Variants in EXOC2 observed in about 807,000 individuals in gnomAD.
EXOC2 encodes exocyst complex component 2.
In EXOC2, 70 loss-of-function variants were observed where a neutral mutation model predicts 131.8. That is an observed-to-expected ratio of 0.53 (90% CI 0.44 to 0.65). The LOEUF (loss-of-function observed/expected upper bound fraction) is 0.65, where lower values mean the gene tolerates loss of function less well. EXOC2 is among the 30% of genes least tolerant of loss of function. EXOC2 has a pLI of 0.00. For synonymous variants in EXOC2, 411 were observed against 398.4 expected (o/e 1.03, Z -0.38); for missense variants, 923 against 1,108.6 (o/e 0.83, Z 2.38).
chr6:552,650 G>C (rs147906666), intron 21 of EXOC2, among the ~76,000 whole-genome samples: 7 of 151,928 alleles, frequency 4.6e-5, no homozygotes. Flanking sequence ...CCAGGTTCTC[G>C]TGAGCCTGTG....
chr6:588,651 C>A (rs1393283603), intron 11 of EXOC2, among the ~76,000 whole-genome samples: 1 of 152,216 alleles, frequency 6.6e-6, no homozygotes, highest in Non-Finnish European at 1.5e-5. Flanking sequence ...CCGCACCGGC[C>A]CTTCACTTTC....
intron 24 of EXOC2, among the ~76,000 whole-genome samples, chr6:498,406 C>G (rs972421369): frequency 6.6e-6 from 1 of 152,190 alleles, no homozygotes; most frequent in Non-Finnish European, 1.5e-5. Flanking sequence ...CCTAAATTTG[C>G]ACTTTGGGCT....
In EXOC2 at chr6:564,666, G is replaced by A. The variant is rs1757875295; in HGVS notation, c.1546C>T (p.Leu516Phe). The A allele has an allele frequency of 5.0e-6, 8 of 1,608,822 alleles. No homozygotes were observed. The highest frequency in any genetic ancestry group is 6.8e-6 in the Non-Finnish European group (8 of 1,177,442). Residue 516 changes from leucine (L) to phenylalanine (F), a missense_variant, in exon 15 of 28, where the codon CTT becomes TTT. Physicochemically the swap from Leu to Phe is conservative, Grantham distance 22. Transcript: ENST00000230449. Reference sequence around the variant, plus strand: ...AGGGGAAGCAGGGCTCCGCGGGTAAGCTTCACCAGGGAGTGCATTACTTCC... The same window carrying A: ...AGGGGAAGCAGGGCTCCGCGGGTAAACTTCACCAGGGAGTGCATTACTTCC... ...IQEVMHSLVKLTRGALLPLSI... is the reference protein window; with the variant it reads ...IQEVMHSLVKFTRGALLPLSI...
At chr6:688,130 AT>A (rs1444390816) in intron 1 of EXOC2, among the ~76,000 whole-genome samples, 1 of 152,200 alleles carries the variant, frequency 6.6e-6, no homozygotes, top group African/African-American at 2.4e-5. Context: ...CATCTCTTTC[AT>A]TTATGATGTA....
At chr6:579,207 T>C (rs1014043767) in intron 11 of EXOC2, among the ~76,000 whole-genome samples, 4 of 152,204 alleles carry the variant, frequency 2.6e-5, no homozygotes, top group Non-Finnish European at 5.9e-5. Flanking sequence ...GTTTTCTCCT[T>C]ATAACTGGTA....
At position 618,404 on chromosome 6, in the gene EXOC2, T is replaced by C. The variant is rs570078640; in HGVS notation, c.537-569A>G. On this transcript the variant is annotated intron_variant, in intron 5 of 27. Coordinates refer to ENST00000230449, the MANE Select transcript of EXOC2 (RefSeq NM_018303.6). ...TCTCAATATCTAAAGCAGAGAAAAC[T>C]AAAGACAGGCCTCTGTATTTCAGAA... 2.0e-5 allele frequency among the ~76,000 whole-genome samples: 3 copies of C among 152,332 alleles called. 1 individual carries two copies. In the East Asian group the frequency reaches 5.8e-4, roughly 29 times the overall value.
At chr6:530,940 T>G (rs1183219100) in intron 23 of EXOC2, among the ~76,000 whole-genome samples, 2 of 152,190 alleles carry the variant, frequency 1.3e-5, no homozygotes, top group African/African-American at 2.4e-5. Flanking sequence ...GTATTAGGTG[T>G]TATAAGTAAT....
At chr6:564,821 C>G in intron 14 of EXOC2, 43 bp downstream of exon 14, 4 of 1,593,340 alleles carry the variant, frequency 2.5e-6, no homozygotes, top group Non-Finnish European at 3.4e-6. Context: ...AAGGAAAAAC[C>G]CTACCCTGTG....
intron 25 of EXOC2, among the ~76,000 whole-genome samples, chr6:496,330 T>C (rs1004286857): frequency 1.3e-5 from 2 of 152,256 alleles, no homozygotes; most frequent in African/African-American, 4.8e-5. Flanking sequence ...GATTCTGTAA[T>C]ATATCTCTAA....
chr6:622,727 A>T (rs1197632079), intron 4 of EXOC2, among the ~76,000 whole-genome samples: 1 of 152,246 alleles, frequency 6.6e-6, no homozygotes, highest in African/African-American at 2.4e-5. Context: ...CAGCACATAC[A>T]GAAAAGGCTC....
At chr6:684,445 C>T (rs1764551940) in intron 1 of EXOC2, among the ~76,000 whole-genome samples, 1 of 152,130 alleles carries the variant, frequency 6.6e-6, no homozygotes, top group African/African-American at 2.4e-5. Context: ...GAGAAAATTA[C>T]TATTACAAAA....
intron 11 of EXOC2, among the ~76,000 whole-genome samples, chr6:581,333 A>T (rs9328290): frequency 6.6e-6 from 1 of 151,560 alleles, no homozygotes; most frequent in African/African-American, 2.4e-5. Flanking sequence ...AAACTGTATC[A>T]GAATTTTATA....
intron 22 of EXOC2, among the ~76,000 whole-genome samples, chr6:548,572 T>G (rs1490776717): frequency 2.6e-5 from 4 of 152,202 alleles, no homozygotes; most frequent in Non-Finnish European, 5.9e-5. Context: ...CTGGACTCCC[T>G]TTTGCCCAAT....
chr6:499,390 T>A (rs558653725), intron 24 of EXOC2, among the ~76,000 whole-genome samples: 43 of 150,284 alleles, frequency 2.9e-4, no homozygotes, highest in African/African-American at 9.6e-4. Flanking sequence ...GCTGGAATTA[T>A]CAAAGAAAAC....
chr6:650,037 G>A (rs528387647), intron 1 of EXOC2, among the ~76,000 whole-genome samples: 3 of 152,098 alleles, frequency 2.0e-5, no homozygotes, highest in Non-Finnish European at 4.4e-5. Flanking sequence ...CTGCCTGCAA[G>A]AGCAAAGGAC....
intron 7 of EXOC2, among the ~76,000 whole-genome samples, chr6:603,378 G>C (rs1760208830): frequency 6.6e-6 from 1 of 151,800 alleles, no homozygotes; most frequent in African/African-American, 2.4e-5. Flanking sequence ...ATGCTATACG[G>C]ACAGGATCAT....
intron 22 of EXOC2, among the ~76,000 whole-genome samples, chr6:546,721 T>C (rs1561841574): frequency 6.6e-6 from 1 of 152,264 alleles, no homozygotes; most frequent in African/African-American, 2.4e-5. Context: ...TGTCTTAACA[T>C]TCTCTTTTCT....
At chr6:503,515 G>A (rs550360108) in intron 23 of EXOC2, among the ~76,000 whole-genome samples, 6 of 152,232 alleles carry the variant, frequency 3.9e-5, no homozygotes, top group South Asian at 2.1e-4. Flanking sequence ...TATTTATTAC[G>A]CATTTGCAAG....
rs770100196 is a variant in EXOC2 at position 549,301 on chromosome 6, A to G, written c.2122-10T>C. On this transcript the variant is annotated splice_polypyrimidine_tract_variant and intron_variant, in intron 21 of 27. Coordinates refer to ENST00000230449, the MANE Select transcript of EXOC2 (RefSeq NM_018303.6). The stretch of plus-strand genomic sequence containing the variant: ...TCAAAAGGCGCTGTTCCTAAAAGCA[A>G]AACAAATGTTTAGAAAATCACCTTT... The G allele has an allele frequency of 5.6e-6, 9 of 1,600,486 alleles. No individual in the cohort carries two copies. In the East Asian group the frequency reaches 2.0e-4, roughly 36 times the overall value.
Sources: gnomAD v4.1 joint callset for allele counts (sites outside exome capture counted in the v4.1 genomes callset) on GRCh38, gnomAD v4.1.1 for gene constraint, MANE v1.5 for transcripts, NCBI Gene and HGNC (gene_info 2026-07-23, HGNC 2026-07-21) for gene names.